MGAT4C: variants seen among roughly 807,000 people sequenced by gnomAD.
MGAT4C encodes alpha-1,3-mannosyl-glycoprotein 4-beta-N-acetylglucosaminyltransferase C.
A neutral mutation model predicts 40.1 loss-of-function variants in MGAT4C; 19 were observed. That is an observed-to-expected ratio of 0.47 (90% CI 0.33 to 0.70). The LOEUF is 0.70. MGAT4C is among the 30% of genes least tolerant of loss of function. MGAT4C has a pLI of 0.02. For missense variants in MGAT4C, 491 were observed against 563.2 expected (o/e 0.87, Z 1.30); for synonymous variants, 181 against 187.1 (o/e 0.97, Z 0.27).
At chr12:86,247,992 T>C (rs1952104077) in intron 1 of MGAT4C, among the ~76,000 whole-genome samples, 1 of 152,146 alleles carries the variant, frequency 6.6e-6, no homozygotes, top group South Asian at 2.1e-4. Flanking sequence ...GAAGTTTTAA[T>C]AGTCTAGATG....
At chr12:86,292,639 C>T (rs1164158326) in intron 4 of MGAT4C, among the ~76,000 whole-genome samples, 3 of 152,076 alleles carry the variant, frequency 2.0e-5, no homozygotes, top group Non-Finnish European at 4.4e-5. Context: ...AAATTAATAA[C>T]AGTTTACATC....
At chr12:86,811,312 G>T in intron 1 of MGAT4C, among the ~76,000 whole-genome samples, 1 of 146,602 alleles carries the variant, frequency 6.8e-6, no homozygotes. Flanking sequence ...TTTTCTAATT[G>T]ATGTTCACCA....
chr12:86,524,810 G>C (rs1278401665), intron 2 of MGAT4C, among the ~76,000 whole-genome samples: 1 of 151,914 alleles, frequency 6.6e-6, no homozygotes, highest in African/African-American at 2.4e-5. Context: ...ATTTCAGAAA[G>C]CCAGTATTCA....
At chr12:86,414,770 G>A (rs978312607) in intron 3 of MGAT4C, among the ~76,000 whole-genome samples, 2 of 152,050 alleles carry the variant, frequency 1.3e-5, no homozygotes, top group Non-Finnish European at 2.9e-5. Context: ...AACCGAATGG[G>A]AAGAACTGCT....
chr12:86,492,490 C>T (rs779667186), intron 2 of MGAT4C, among the ~76,000 whole-genome samples: 3 of 152,000 alleles, frequency 2.0e-5, no homozygotes, highest in South Asian at 2.1e-4. Context: ...GAAATAACAC[C>T]GCGTATCTAC....
At chr12:86,729,507 C>T (rs1950875773) in intron 1 of MGAT4C, among the ~76,000 whole-genome samples, 1 of 151,868 alleles carries the variant, frequency 6.6e-6, no homozygotes, top group Non-Finnish European at 1.5e-5. Flanking sequence ...AAAGATTTTC[C>T]TAGGTTGATG....
chr12:86,714,734 A>G (rs1950615296), intron 2 of MGAT4C, among the ~76,000 whole-genome samples: 1 of 151,530 alleles, frequency 6.6e-6, no homozygotes, highest in Non-Finnish European at 1.5e-5. Flanking sequence ...GTGAAAATGG[A>G]ATAATACAGA....
chr12:86,204,917 G>A (rs1160722422), intron 1 of MGAT4C, among the ~76,000 whole-genome samples: 1 of 151,882 alleles, frequency 6.6e-6, no homozygotes, highest in African/African-American at 2.4e-5. Context: ...TCAGAGCACA[G>A]ACTTTTTAAA....
Position 86,574,072 on chromosome 12 carries a change from A to G in MGAT4C, c.-228-138807T>C, listed in dbSNP as rs1049684815. ...CTTTTTTTTCATTTCCTAAAAAAAA[A>G]CCTGTATGAAAATTAGCTATTTTCT... On this transcript the variant is annotated intron_variant, in intron 2 of 7. Coordinates refer to the MGAT4C transcript ENST00000548651. Among the ~76,000 whole-genome samples, 3 of 151,786 alleles carry G rather than the reference A, an allele frequency of 2.0e-5. No homozygotes were observed. The East Asian group carries it at 5.8e-4, about 29-fold the overall frequency.
intron 1 of MGAT4C, among the ~76,000 whole-genome samples, chr12:86,770,391 T>C (rs1395502845): frequency 6.6e-6 from 1 of 152,088 alleles, no homozygotes; most frequent in Non-Finnish European, 1.5e-5. Context: ...TACTAAATAT[T>C]ATCTAATCAA....
chr12:86,228,618 C>A (rs1270595477), intron 1 of MGAT4C, among the ~76,000 whole-genome samples: 1 of 151,560 alleles, frequency 6.6e-6, no homozygotes, highest in Non-Finnish European at 1.5e-5. Flanking sequence ...CTGTATTAGT[C>A]CCCCAGTATT....
chr12:86,662,571 CCTTA>C lies in MGAT4C; in HGVS notation c.-229+64634_-229+64637del, dbSNP rs779131813. Among the ~76,000 whole-genome samples, 9 of 152,106 alleles carry C rather than the reference CCTTA, an allele frequency of 5.9e-5. 1 individual carries two copies. In the East Asian group the frequency reaches 7.7e-4, roughly 13 times the overall value. On this transcript the variant is annotated intron_variant, in intron 2 of 7. Transcript: ENST00000548651. ...TGCAGGTTTGAATCTCAGTTCTATTCCTTACTGATTGTGATTTTTTTTCATGTCT... is the reference window on the plus strand; with the variant it reads ...TGCAGGTTTGAATCTCAGTTCTATTCCTGATTGTGATTTTTTTTCATGTCT...
rs189081388 is a variant in MGAT4C, at chr12:86,528,393, A to T, written c.-228-93128T>A. 8.9e-3 allele frequency among the ~76,000 whole-genome samples: 1,351 copies of T among 152,188 alleles called. 8 individuals carry two copies. The highest frequency in any genetic ancestry group is 0.017 in the Middle Eastern group (5 of 294). On this transcript the variant is annotated intron_variant, in intron 2 of 7. Transcript: ENST00000548651. Reference sequence around the variant, plus strand: ...TATCTTTAAGTGTTTTAAAATCCTCATATAAGTTATATTTGCTTTTCTAGA... The same window carrying T: ...TATCTTTAAGTGTTTTAAAATCCTCTTATAAGTTATATTTGCTTTTCTAGA...
chr12:86,305,807 TG>T lies in MGAT4C; in HGVS notation c.-57+28257del, dbSNP rs1304897569. Reference sequence around the variant, plus strand: ...TTATTACATTTGTAATTTTTCTTGTTGTATTGTTATCTTTTATTGTTGTTGT... The same window carrying T: ...TTATTACATTTGTAATTTTTCTTGTTTATTGTTATCTTTTATTGTTGTTGT... On this transcript the variant is annotated intron_variant, in intron 4 of 7. Transcript: ENST00000548651. 1.3e-5 allele frequency among the ~76,000 whole-genome samples: 2 copies of T among 150,620 alleles called. 1 individual carries two copies. The highest frequency in any genetic ancestry group is 5.0e-5 in the African/African-American group (2 of 40,038).
intron 2 of MGAT4C, among the ~76,000 whole-genome samples, chr12:86,018,297 A>T (rs904572705): frequency 2.0e-5 from 3 of 152,198 alleles, no homozygotes; most frequent in African/African-American, 7.2e-5. Flanking sequence ...TTATATTAAA[A>T]TCAACAGAAT....
chr12:86,751,381 A>C (rs1370385800), intron 1 of MGAT4C, among the ~76,000 whole-genome samples: 1 of 152,034 alleles, frequency 6.6e-6, no homozygotes, highest in Non-Finnish European at 1.5e-5. Context: ...AACGAACATT[A>C]ACCAGGTAAG....
chr12:86,627,343 C>T (rs1157060169), intron 2 of MGAT4C, among the ~76,000 whole-genome samples: 1 of 152,320 alleles, frequency 6.6e-6, no homozygotes, highest in Non-Finnish European at 1.5e-5. Flanking sequence ...AAACATCCCT[C>T]TCTGACAGCT....
chr12:86,053,954 G>C (rs953055769), intron 1 of MGAT4C, among the ~76,000 whole-genome samples: 5 of 151,898 alleles, frequency 3.3e-5, no homozygotes, highest in African/African-American at 1.2e-4. Context: ...TGTTAGGGAG[G>C]ATATGGAGAA....
chr12:86,035,038 T>A lies in MGAT4C; in HGVS notation c.-7+14636A>T, dbSNP rs752966380. ...ATTGCGAACAGTCCCACAATAAACA[T>A]ACGTGTGCATGTGTCTTTATAGTAC... On this transcript the variant is annotated intron_variant, in intron 2 of 4. Coordinates refer to ENST00000611864, the MANE Select transcript of MGAT4C (RefSeq NM_001351288.2). 6.0e-5 allele frequency among the ~76,000 whole-genome samples: 9 copies of A among 150,154 alleles called. 2 individuals are homozygous for A. Among genetic ancestry groups the A allele is most frequent in the Non-Finnish European group, 1.3e-4 (9 of 66,928 alleles).
Sources: gnomAD v4.1 joint callset for allele counts (sites outside exome capture counted in the v4.1 genomes callset) on GRCh38, gnomAD v4.1.1 for gene constraint, MANE v1.5 for transcripts, NCBI Gene and HGNC (gene_info 2026-07-23, HGNC 2026-07-21) for gene names.